The following ANKRD46 variants were observed in gnomAD, a reference collection of about 807,000 sequenced individuals.
ANKRD46 encodes the protein ankyrin repeat domain-containing protein 46.
ANKRD46 carries 13 observed loss-of-function variants against 19.8 expected under a neutral mutation model. The observed-to-expected ratio is 0.66, with a 90% CI of 0.43 to 1.04. The LOEUF is 1.04. Among genes scored for constraint, ANKRD46 ranks in the 50% least tolerant of loss-of-function variants. The pLI is 0.00. For synonymous variants in ANKRD46, 91 were observed against 106.9 expected (o/e 0.85, Z 0.92); for missense variants, 185 against 274.8 (o/e 0.67, Z 2.31).
intron 1 of ANKRD46, among the ~76,000 whole-genome samples, chr8:100,539,413 T>G (rs1376025976): frequency 6.6e-6 from 1 of 152,262 alleles, no homozygotes; most frequent in Admixed American, 6.5e-5. Context: ...GATATCCCAG[T>G]ACTATGAAGA....
chr8:100,523,030 C>A (rs1811765491), intron 4 of ANKRD46, among the ~76,000 whole-genome samples: 1 of 151,970 alleles, frequency 6.6e-6, no homozygotes, highest in Middle Eastern at 3.2e-3. Flanking sequence ...GTTAAAAATT[C>A]TATTTAAAAG....
chr8:100,518,861 A>G (rs964353874), downstream of ANKRD46, among the ~76,000 whole-genome samples: 2 of 126,148 alleles, frequency 1.6e-5, no homozygotes, highest in Non-Finnish European at 3.6e-5. Context: ...CAAAAAAAAA[A>G]AATAAATAAA....
At chr8:100,556,424 T>C (rs1050657231) in intron 1 of ANKRD46, 3 of 152,220 alleles carry the variant, frequency 2.0e-5, no homozygotes, top group African/African-American at 7.2e-5. Flanking sequence ...AGCAGTAGGA[T>C]AGCTATTTTA....
chr8:100,518,694 T>C (rs1811673019), downstream of ANKRD46, among the ~76,000 whole-genome samples: 3 of 151,662 alleles, frequency 2.0e-5, no homozygotes, highest in South Asian at 6.2e-4. Context: ...TGCTAAAAAA[T>C]ACAAAAAATT....
In ANKRD46 at chr8:100,510,881, G is replaced by T. The variant is rs991221612; in HGVS notation, c.637-242C>A. Reference sequence around the variant, plus strand: ...CAAGGACTGTGTTCAATGTCCTCTCGAGCTAATAATTAAGGTATTATTTAA... The same window carrying T: ...CAAGGACTGTGTTCAATGTCCTCTCTAGCTAATAATTAAGGTATTATTTAA... On this transcript the variant is annotated intron_variant, in intron 5 of 5. Coordinates refer to the ANKRD46 transcript ENST00000520552. This position sits in a 1 kb window ranked among gnomAD's most constrained non-coding sequence, Gnocchi z 4.9. Among the ~76,000 whole-genome samples the T allele has an allele frequency of 1.3e-5, 2 of 152,090 alleles. No homozygotes were observed. Among genetic ancestry groups the T allele is most frequent in the East Asian group, 3.9e-4 (2 of 5,188 alleles).
rs748887207 is a variant in ANKRD46, at chr8:100,524,401, G to C, written c.471-1630C>G. 1.3e-5 allele frequency among the ~76,000 whole-genome samples: 2 copies of C among 151,946 alleles called. No individual in the cohort carries two copies. Among genetic ancestry groups the C allele is most frequent in the Non-Finnish European group, 2.9e-5 (2 of 67,988 alleles). On this transcript the variant is annotated intron_variant, in intron 4 of 4. Transcript: ENST00000335659. The surrounding 1 kb of genome is among the most constrained non-coding windows in gnomAD (Gnocchi z 4.3). ...AACCTACAACTTTATTTTACTTCTT[G>C]ATACCATCAAACAAAAGTCCTTCAG...
At chr8:100,531,005 C>A (rs561076433) in intron 2 of ANKRD46, among the ~76,000 whole-genome samples, 1 of 152,326 alleles carries the variant, frequency 6.6e-6, no homozygotes, top group South Asian at 2.1e-4. Flanking sequence ...CCTGGCCCCA[C>A]TGGCGCACCT....
chr8:100,522,614 C>A lies in ANKRD46; in HGVS notation c.628G>T (p.Ala210Ser). ...FVIALLSLGI[A>S]YYVSGVLPFV... ...GGTAGCACCCCACTCACATAATAAG[C>A]AATGCCAAGAGACAGCAAAGCAATG... Residue 210 changes from alanine to serine, a missense_variant, in exon 5 of 5, where the codon GCT (alanine) becomes TCT (serine). Ala to Ser is a moderately conservative substitution (Grantham distance 99, BLOSUM62 1). Transcript: ENST00000335659. 6.2e-7 allele frequency: 1 copy of A among 1,614,032 alleles called. No homozygotes were observed. The highest frequency in any genetic ancestry group is 8.5e-7 in the Non-Finnish European group (1 of 1,180,016).
intron 1 of ANKRD46, among the ~76,000 whole-genome samples, chr8:100,551,936 G>A (rs1352883544): frequency 6.6e-6 from 1 of 152,156 alleles, no homozygotes; most frequent in African/African-American, 2.4e-5. Flanking sequence ...GATCACCTGA[G>A]GTCAGGAGTT....
chr8:100,513,422 C>T (rs1811580202), intron 5 of ANKRD46, among the ~76,000 whole-genome samples: 1 of 152,112 alleles, frequency 6.6e-6, no homozygotes, highest in South Asian at 2.1e-4. Context: ...TTAAATAATA[C>T]AGTTATTATT....
intron 1 of ANKRD46, among the ~76,000 whole-genome samples, chr8:100,533,912 C>T (rs1180409651): frequency 2.6e-5 from 4 of 152,204 alleles, no homozygotes; most frequent in Non-Finnish European, 4.4e-5. Flanking sequence ...CATAGCCTGA[C>T]GCTGCTCCCC....
Position 100,532,707 on chromosome 8 carries a change from CAG to C in ANKRD46, c.-28+500_-28+501del, listed in dbSNP as rs1192125562. On this transcript the variant is annotated intron_variant, in intron 2 of 4. Transcript: ENST00000335659. The surrounding 1 kb of genome is among the most constrained non-coding windows in gnomAD (Gnocchi z 4.7). ...CTTTAAAAAATTGCAAAAAAAATCTCAGAATGTTTTTTAAAAGTTTATGAATT... is the reference window on the plus strand; with the variant it reads ...CTTTAAAAAATTGCAAAAAAAATCTCAATGTTTTTTAAAAGTTTATGAATT... Among the ~76,000 whole-genome samples the C allele has an allele frequency of 6.6e-6, 1 of 152,062 alleles. No individual in the cohort carries two copies. The highest frequency in any genetic ancestry group is 1.9e-4 in the East Asian group (1 of 5,192).
At position 100,511,296 on chromosome 8, in the gene ANKRD46, C is replaced by T. The variant is rs971176145; in HGVS notation, c.637-657G>A. On this transcript the variant is annotated intron_variant, in intron 5 of 5. Transcript: ENST00000520552. This position sits in a 1 kb window ranked among gnomAD's most constrained non-coding sequence, Gnocchi z 4.1. ...CATAGTGTAGGCTGGGGATCCAAAC[C>T]CAGGTCTGCCTGAGTGCGAGACCCC... 5.9e-5 allele frequency among the ~76,000 whole-genome samples: 9 copies of T among 152,122 alleles called. No individual in the cohort carries two copies. The highest frequency in any genetic ancestry group is 1.9e-4 in the African/African-American group (8 of 41,418).
chr8:100,512,621 C>T (rs1038750704), intron 5 of ANKRD46, among the ~76,000 whole-genome samples: 2 of 152,170 alleles, frequency 1.3e-5, no homozygotes, highest in South Asian at 2.1e-4. Flanking sequence ...ATGACAGAAC[C>T]GTTTCATGCT....
chr8:100,528,165 A>G (rs1057408092), intron 3 of ANKRD46, among the ~76,000 whole-genome samples, 162 bp from the exon 4 acceptor site: 1 of 152,146 alleles, frequency 6.6e-6, no homozygotes, highest in Admixed American at 6.6e-5. Flanking sequence ...GAACTAAAGG[A>G]GTATTTGGCT....
In ANKRD46 at chr8:100,557,300, C is replaced by G. The variant is rs61243391; in HGVS notation, c.-131+2411G>C. ...ACTAAAGCCTTCCAATAGCTCAGGC[C>G]AAAGGCCACAGGGTCGTGCTTCACC... On this transcript the variant is annotated intron_variant, in intron 1 of 4. Transcript: ENST00000335659. The surrounding 1 kb of genome is among the most constrained non-coding windows in gnomAD (Gnocchi z 5.9). Among the ~76,000 whole-genome samples, 11,467 of 152,238 alleles carry G rather than the reference C, an allele frequency of 0.075. 511 individuals carry two copies. The highest frequency in any genetic ancestry group is 0.096 in the Non-Finnish European group (6,508 of 68,008).
rs1812019363 is a variant in ANKRD46 at position 100,534,221 on chromosome 8, T to TA, written c.-130-911dup. On this transcript the variant is annotated intron_variant, in intron 1 of 4. Coordinates refer to ENST00000335659, the MANE Select transcript of ANKRD46 (RefSeq NM_001270377.2). The surrounding 1 kb of genome is among the most constrained non-coding windows in gnomAD (Gnocchi z 4.2). ...GAACAAATTTATATAGGGAAATAAT[T>TA]AATGGTATTTTACAAAGCTCCATTT... Among the ~76,000 whole-genome samples, 1 of 152,204 alleles carries TA rather than the reference T, an allele frequency of 6.6e-6. No individual in the cohort carries two copies. The highest frequency in any genetic ancestry group is 6.5e-5 in the Admixed American group (1 of 15,272).
intron 1 of ANKRD46, among the ~76,000 whole-genome samples, chr8:100,555,700 C>T (rs1812482601): frequency 1.7e-5 from 1 of 60,404 alleles, no homozygotes; most frequent in Non-Finnish European, 2.9e-5. Context: ...ACAAAAGGCA[C>T]CAACTTAATA....
At chr8:100,522,864 TACAC>T (rs199938933) in intron 4 of ANKRD46, 93 bp from the exon 5 acceptor site, 9,665 of 589,732 alleles carry the variant, frequency 0.016, 82 homozygotes, top group East Asian at 0.068. Flanking sequence ...AAAGACCAAA[TACAC>T]ACACACACAC....
Sources: allele counts gnomAD v4.1 joint callset (sites outside exome capture counted in the v4.1 genomes callset), GRCh38; gene constraint gnomAD v4.1.1; non-coding constraint Gnocchi (gnomAD v3.1); transcripts MANE v1.5; gene names NCBI Gene and HGNC (gene_info 2026-07-23, HGNC 2026-07-21).